The following RXFP2 variants were observed in gnomAD, a reference collection of about 807,000 sequenced individuals.
RXFP2 encodes the protein relaxin receptor 2.
Under a neutral mutation model 88.6 loss-of-function variants are expected in RXFP2, and 68 were observed. The ratio of observed to expected loss-of-function variants is 0.77; its 90% confidence interval spans 0.63 to 0.94. The LOEUF (loss-of-function observed/expected upper bound fraction) is 0.94, where lower values mean the gene tolerates loss of function less well. Among genes scored for constraint, RXFP2 ranks in the 40% least tolerant of loss-of-function variants. RXFP2 has a pLI of 0.00. For missense variants in RXFP2, 791 were observed against 893.9 expected, an observed-to-expected ratio of 0.88 and a Z score of 1.47; for synonymous variants, 329 against 306.8, an observed-to-expected ratio of 1.07 and a Z score of -0.76.
intron 17 of RXFP2, among the ~76,000 whole-genome samples, chr13:31,798,435 T>G (rs1220843743): frequency 1.3e-5 from 2 of 152,068 alleles, no homozygotes; most frequent in Non-Finnish European, 2.9e-5. Flanking sequence ...CTTTGCTGGG[T>G]GGTGAAAGAA....
At position 31,744,096 on chromosome 13, in the gene RXFP2, CCA is replaced by C. The variant is rs1438042586; in HGVS notation, c.94+4393_94+4394del. On this transcript the variant is annotated intron_variant, in intron 1 of 17. Coordinates refer to ENST00000298386, the MANE Select transcript of RXFP2 (RefSeq NM_130806.5). ...CTTCTTTCTATTATTTGTCTCTATCCCACAGTCTCCTGGCCCGACCAGTGGTC... is the reference window on the plus strand; with the variant it reads ...CTTCTTTCTATTATTTGTCTCTATCCCAGTCTCCTGGCCCGACCAGTGGTC... 2.0e-5 allele frequency among the ~76,000 whole-genome samples: 3 copies of C among 152,118 alleles called. No homozygotes were observed. The East Asian group carries it at 5.8e-4, about 29-fold the overall frequency.
At chr13:31,752,401 G>A (rs1440403743) in intron 1 of RXFP2, among the ~76,000 whole-genome samples, 1 of 152,152 alleles carries the variant, frequency 6.6e-6, no homozygotes, top group East Asian at 1.9e-4. Context: ...ATTAGGGCAG[G>A]AATCTCTGAA....
chr13:31,759,411 A>AAGAG (rs1388202855), intron 2 of RXFP2, among the ~76,000 whole-genome samples: 9 of 150,348 alleles, frequency 6.0e-5, no homozygotes, highest in African/African-American at 2.2e-4. Flanking sequence ...GAAAGAAAGA[A>AAGAG]AGAAAGAAAG....
chr13:31,758,549 C>T (rs1397094836), intron 2 of RXFP2, 145 bp downstream of exon 2: 5 of 890,530 alleles, frequency 5.6e-6, no homozygotes, highest in Admixed American at 4.8e-5. Flanking sequence ...ATAATGACTC[C>T]CCAATGTATT....
At position 31,765,162 on chromosome 13, in the gene RXFP2, T is replaced by G; in HGVS notation, c.425+20T>G. 7.3e-7 allele frequency: 1 copy of G among 1,367,818 alleles called. No individual in the cohort carries two copies. Among genetic ancestry groups the G allele is most frequent in the Non-Finnish European group, 1.0e-6 (1 of 955,888 alleles). The allele number at this position is 1,367,818 out of a possible 1,614,324, so 84.7% of individuals were successfully genotyped here. A position where few individuals can be genotyped will look rare whatever the true frequency, so the allele number is the denominator to read the frequency against. The stretch of plus-strand genomic sequence containing the variant: ...ATTACTGTGAGTAAAACTTAATTAT[T>G]GGTGATATCTGTCCCTATAGTCACA... On this transcript the variant is annotated intron_variant, in intron 4 of 17. Transcript: ENST00000298386.
intron 16 of RXFP2, among the ~76,000 whole-genome samples, chr13:31,794,887 G>GTC (rs1298560473): frequency 1.3e-5 from 2 of 150,088 alleles, no homozygotes; most frequent in Non-Finnish European, 3.0e-5. Context: ...CAAAGAGATC[G>GTC]TCACACACAC....
chr13:31,744,630 T>A (rs368622174), intron 1 of RXFP2, among the ~76,000 whole-genome samples: 36 of 152,310 alleles, frequency 2.4e-4, no homozygotes, highest in African/African-American at 8.4e-4. Flanking sequence ...GTTAATAGAA[T>A]GTGTCTGATG....
chr13:31,798,970 C>A (rs1311099771), intron 17 of RXFP2, among the ~76,000 whole-genome samples: 2 of 152,090 alleles, frequency 1.3e-5, no homozygotes, highest in African/African-American at 4.8e-5. Context: ...TTGTTTACAC[C>A]AGGTTTATTG....
chr13:31,752,779 C>T (rs1871730117), intron 1 of RXFP2, among the ~76,000 whole-genome samples: 1 of 152,140 alleles, frequency 6.6e-6, no homozygotes, highest in Admixed American at 6.5e-5. Flanking sequence ...TGGAGCCGCC[C>T]GGGACAGTGC....
intron 5 of RXFP2, 120 bp from the exon 6 acceptor site, chr13:31,774,500 T>C: frequency 2.8e-6 from 2 of 719,744 alleles, no homozygotes; most frequent in South Asian, 2.9e-5. Context: ...AACATGAGAA[T>C]AGGACTTCGT....
At chr13:31,766,938 G>A (rs1872573431) in intron 5 of RXFP2, among the ~76,000 whole-genome samples, 2 of 152,148 alleles carry the variant, frequency 1.3e-5, no homozygotes, top group South Asian at 4.1e-4. Context: ...CACCTGCTGA[G>A]ATGATCATTA....
At chr13:31,764,243 T>TCACACACA (rs56132108) in intron 3 of RXFP2, among the ~76,000 whole-genome samples, 2,823 of 131,724 alleles carry the variant, frequency 0.021, 48 homozygotes, top group Non-Finnish European at 0.026. Flanking sequence ...TCTCTCTCTT[T>TCACACACA]CACACACACA....
At chr13:31,786,700 AT>A (rs1156994335) in intron 13 of RXFP2, 63 bp downstream of exon 13, 9 of 1,034,904 alleles carry the variant, frequency 8.7e-6, no homozygotes, top group Non-Finnish European at 1.4e-5. Flanking sequence ...AGACACATTT[AT>A]TTTTAAATGG....
intron 8 of RXFP2, among the ~76,000 whole-genome samples, chr13:31,778,142 T>C (rs1873081856): frequency 6.6e-6 from 1 of 152,224 alleles, no homozygotes; most frequent in African/African-American, 2.4e-5. Flanking sequence ...TGATTAATGA[T>C]GCCCTTAAGA....
intron 5 of RXFP2, among the ~76,000 whole-genome samples, chr13:31,774,331 A>G (rs1872847377): frequency 6.6e-6 from 1 of 152,210 alleles, no homozygotes; most frequent in South Asian, 2.1e-4. Flanking sequence ...CAGGACGGTC[A>G]CCATAGTGCC....
At chr13:31,750,229 C>T (rs185899365) in intron 1 of RXFP2, among the ~76,000 whole-genome samples, 4 of 152,140 alleles carry the variant, frequency 2.6e-5, no homozygotes, top group Admixed American at 2.0e-4. Context: ...CTGACTATTG[C>T]GTCAGGAATG....
intron 2 of RXFP2, among the ~76,000 whole-genome samples, chr13:31,759,438 A>AAAGAAAGAAAGG (rs1566218622): frequency 6.7e-6 from 1 of 149,326 alleles, no homozygotes; most frequent in Non-Finnish European, 1.5e-5. Flanking sequence ...AGAAAGAAAG[A>AAAGAAAGAAAGG]AAGAAAGATA....
intron 13 of RXFP2, among the ~76,000 whole-genome samples, chr13:31,788,204 A>G (rs1192942971): frequency 2.6e-5 from 4 of 152,152 alleles, no homozygotes; most frequent in Non-Finnish European, 5.9e-5. Flanking sequence ...GGGGCCATGC[A>G]ATTACTCAGT....
At chr13:31,773,494 A>C (rs957820870) in intron 5 of RXFP2, among the ~76,000 whole-genome samples, 1 of 151,506 alleles carries the variant, frequency 6.6e-6, no homozygotes, top group African/African-American at 2.4e-5. Context: ...AAATAAGTGT[A>C]CTTTACCATC....
Sources: gnomAD v4.1 joint callset for allele counts (sites outside exome capture counted in the v4.1 genomes callset) on GRCh38, gnomAD v4.1.1 for gene constraint, MANE v1.5 for transcripts, NCBI Gene and HGNC (gene_info 2026-07-23, HGNC 2026-07-21) for gene names.